EIPR1: variants seen among roughly 807,000 people sequenced by gnomAD.
EIPR1 encodes EARP and GARP complex-interacting protein 1.
A neutral mutation model predicts 48.1 loss-of-function variants in EIPR1; 25 were observed. That is an observed-to-expected ratio of 0.52 (90% CI 0.38 to 0.73). The LOEUF (loss-of-function observed/expected upper bound fraction) is 0.73. EIPR1 is among the 30% of genes least tolerant of loss of function. The pLI, the probability that EIPR1 is intolerant of heterozygous loss-of-function variation, is 0.00. For synonymous variants in EIPR1, 204 were observed against 201.9 expected (o/e 1.01, Z -0.09); for missense variants, 415 against 506.2 (o/e 0.82, Z 1.73).
chr2:3,293,191 G>A (rs1167818883), intron 3 of EIPR1, among the ~76,000 whole-genome samples: 1 of 152,178 alleles, frequency 6.6e-6, no homozygotes, highest in African/African-American at 2.4e-5. Flanking sequence ...GCTTAACTCA[G>A]CAACATTCTA....
intron 1 of EIPR1, among the ~76,000 whole-genome samples, chr2:3,374,732 A>G (rs1173783409): frequency 7.0e-6 from 1 of 143,670 alleles, no homozygotes; most frequent in Non-Finnish European, 1.5e-5. Flanking sequence ...AGGAAACAAC[A>G]GGTGCTGGAG....
At chr2:3,299,275 A>G (rs1403978415) in intron 3 of EIPR1, among the ~76,000 whole-genome samples, 1 of 151,672 alleles carries the variant, frequency 6.6e-6, no homozygotes, top group African/African-American at 2.4e-5. Flanking sequence ...GGGTCAGCTC[A>G]TTGTCCTGGC....
intron 5 of EIPR1, among the ~76,000 whole-genome samples, chr2:3,197,492 A>C (rs1470000696): frequency 6.6e-6 from 1 of 152,158 alleles, no homozygotes; most frequent in East Asian, 1.9e-4. Context: ...TTCGCCTGGC[A>C]TTTAATCAGA....
At chr2:3,338,389 C>A (rs1176288263) in intron 2 of EIPR1, among the ~76,000 whole-genome samples, 2 of 152,160 alleles carry the variant, frequency 1.3e-5, no homozygotes, top group African/African-American at 4.8e-5. Context: ...GTAAGACTGC[C>A]ATCCGGTCAT....
intron 5 of EIPR1, among the ~76,000 whole-genome samples, chr2:3,197,305 G>A (rs1664845433): frequency 6.6e-6 from 1 of 152,208 alleles, no homozygotes; most frequent in South Asian, 2.1e-4. Flanking sequence ...ACTCGAACTT[G>A]AAGGAAAACA....
Position 3,218,641 on chromosome 2 carries a change from C to T in EIPR1, c.417-4393G>A, listed in dbSNP as rs112889635. Among the ~76,000 whole-genome samples, 1,171 of 147,672 alleles carry T rather than the reference C, an allele frequency of 7.9e-3. 40 individuals are homozygous for T. The highest frequency in any genetic ancestry group is 0.029 in the African/African-American group (1,115 of 38,460). On this transcript the variant is annotated intron_variant, in intron 4 of 8. Transcript: ENST00000382125. ...GAGCTTTCACAGTGAGTCAGGTGCACACCCACCATGGCCCTGATACACTCT... is the reference window on the plus strand; with the variant it reads ...GAGCTTTCACAGTGAGTCAGGTGCATACCCACCATGGCCCTGATACACTCT...
intron 1 of EIPR1, among the ~76,000 whole-genome samples, chr2:3,370,425 C>A (rs1282251673): frequency 1.3e-5 from 2 of 151,852 alleles, no homozygotes; most frequent in Admixed American, 6.6e-5. Flanking sequence ...AGGCTTCAGA[C>A]GATCAAACTA....
intron 2 of EIPR1, among the ~76,000 whole-genome samples, chr2:3,344,634 C>CTTTTT (rs1178498027): frequency 1.5e-4 from 11 of 74,192 alleles, no homozygotes; most frequent in African/African-American, 1.7e-4. Context: ...GGTTCTGGTT[C>CTTTTT]TTTTTTTTTT....
In EIPR1 at chr2:3,248,026, T is replaced by C. The variant is rs553828630; in HGVS notation, c.416+9273A>G. Among the ~76,000 whole-genome samples the C allele has an allele frequency of 2.3e-4, 35 of 152,124 alleles. No individual in the cohort carries two copies. The South Asian group carries it at 6.9e-3, about 30-fold the overall frequency. ...TGTCATGTTGCAATGTGATCCCCAGTGCTGGAGGTGGGGCCTGGTGGGAGG... is the reference window on the plus strand; with the variant it reads ...TGTCATGTTGCAATGTGATCCCCAGCGCTGGAGGTGGGGCCTGGTGGGAGG... On this transcript the variant is annotated intron_variant, in intron 4 of 8. Transcript: ENST00000382125.
intron 5 of EIPR1, among the ~76,000 whole-genome samples, chr2:3,202,181 T>C (rs377352128): frequency 1.8e-3 from 268 of 152,118 alleles, no homozygotes; most frequent in South Asian, 3.7e-3. Flanking sequence ...TTGTGATCCG[T>C]CCGCCTCGGC....
intron 3 of EIPR1, among the ~76,000 whole-genome samples, chr2:3,328,735 G>A (rs1395647576): frequency 1.8e-5 from 2 of 113,572 alleles, no homozygotes; most frequent in African/African-American, 3.5e-5. Context: ...GGCACCAGCT[G>A]GGCTCCCCTG....
intron 5 of EIPR1, among the ~76,000 whole-genome samples, chr2:3,209,363 C>A (rs1665359037): frequency 6.6e-6 from 1 of 152,150 alleles, no homozygotes; most frequent in South Asian, 2.1e-4. Context: ...AGACAGAAAC[C>A]ACGTACTCCA....
Position 3,237,267 on chromosome 2 carries a change from CA to C in EIPR1, c.416+20031del, listed in dbSNP as rs1558242465. ...ACACACACACACACACACACACACA[CA>C]CACCATACATATGGCAGTCCTGCCT... On this transcript the variant is annotated intron_variant, in intron 4 of 8. Coordinates refer to ENST00000382125, the MANE Select transcript of EIPR1 (RefSeq NM_003310.5). 1.6e-3 allele frequency among the ~76,000 whole-genome samples: 232 copies of C among 148,028 alleles called. 2 individuals carry two copies. The highest frequency in any genetic ancestry group is 4.9e-3 in the African/African-American group (196 of 40,140).
chr2:3,258,108 C>T (rs1407027311), intron 3 of EIPR1, among the ~76,000 whole-genome samples: 1 of 150,232 alleles, frequency 6.7e-6, no homozygotes, highest in Non-Finnish European at 1.5e-5. Flanking sequence ...TTACACGATC[C>T]TGCTGGTGGC....
intron 3 of EIPR1, among the ~76,000 whole-genome samples, chr2:3,269,515 A>G (rs4990232): frequency 0.31 from 7,178 of 23,226 alleles, 743 homozygotes; most frequent in Non-Finnish European, 0.35. Context: ...AATCATCATC[A>G]CACTCAATCA....
chr2:3,203,096 T>G (rs1037333581), intron 5 of EIPR1, among the ~76,000 whole-genome samples: 4 of 152,230 alleles, frequency 2.6e-5, no homozygotes, highest in African/African-American at 9.6e-5. Context: ...CATTTCCTAG[T>G]GAAATTATCA....
At chr2:3,351,773 T>A (rs1288175796) in intron 2 of EIPR1, among the ~76,000 whole-genome samples, 1 of 152,236 alleles carries the variant, frequency 6.6e-6, no homozygotes, top group Non-Finnish European at 1.5e-5. Flanking sequence ...CCTGAATAGA[T>A]GTTGCCCCCA....
intron 3 of EIPR1, among the ~76,000 whole-genome samples, chr2:3,314,326 G>A (rs578176367): frequency 1.1e-4 from 17 of 152,100 alleles, no homozygotes; most frequent in Middle Eastern, 3.2e-3. Context: ...GGGCTTGCTC[G>A]AGCTAAGCCA....
chr2:3,200,368 C>T lies in EIPR1; in HGVS notation c.517-3351G>A, dbSNP rs991252381. ...TCAAAGGATGTCTCCTTAGGAAAAG[C>T]GCGGGGCTTTTGTTTTACGATATCC... On this transcript the variant is annotated intron_variant, in intron 5 of 8. Transcript: ENST00000382125. 3.9e-5 allele frequency among the ~76,000 whole-genome samples: 6 copies of T among 152,296 alleles called. 1 individual carries two copies. In the South Asian group the frequency reaches 1.2e-3, roughly 32 times the overall value.
Sources: allele counts gnomAD v4.1 joint callset (sites outside exome capture counted in the v4.1 genomes callset), GRCh38; gene constraint gnomAD v4.1.1; transcripts MANE v1.5; gene names NCBI Gene and HGNC (gene_info 2026-07-23, HGNC 2026-07-21).